GRIN2B: variants seen among roughly 807,000 people sequenced by gnomAD.
GRIN2B encodes glutamate receptor ionotropic, NMDA 2B.
A neutral mutation model predicts 114.5 loss-of-function variants in GRIN2B; 5 were observed. The ratio of observed to expected loss-of-function variants is 0.04; its 90% CI spans 0.02 to 0.09. The LOEUF (loss-of-function observed/expected upper bound fraction) is 0.09, where lower values mean the gene tolerates loss of function less well. Among genes scored for constraint, GRIN2B ranks in the 10% least tolerant of loss-of-function variants. GRIN2B has a pLI of 1.00. For synonymous variants in GRIN2B, 787 were observed against 745.1 expected, an observed-to-expected ratio of 1.06 and a Z score of -0.92; for missense variants, 1,108 against 1,943.5, an observed-to-expected ratio of 0.57 and a Z score of 8.08.
At position 13,564,543 on chromosome 12, in the gene GRIN2B, G is replaced by A. The variant is rs763003254; in HGVS notation, c.2695C>T (p.Leu899=). ...ATMNNTHSNI[L]RLLRTAKNMA... is the part of the protein sequence containing the mutation. Reference sequence around the variant, plus strand: ...TTCTTGGCCGTGCGCAGCAGGCGCAGGATGTTGGAGTGTGTGTTGTTCATG... The same window carrying A: ...TTCTTGGCCGTGCGCAGCAGGCGCAAGATGTTGGAGTGTGTGTTGTTCATG... Residue 899 remains leucine (L), a synonymous_variant, in exon 14 of 14, where the codon CTG becomes TTG. Coordinates refer to ENST00000609686, the MANE Select transcript of GRIN2B (RefSeq NM_000834.5). The surrounding 1 kb of genome is among the most constrained non-coding windows in gnomAD (Gnocchi z 4.8). 6.2e-7 allele frequency: 1 copy of A among 1,614,166 alleles called. No homozygotes were observed. The highest frequency in any genetic ancestry group is 2.2e-5 in the East Asian group (1 of 44,854).
At chr12:13,964,059 AGACAAGAGTCAGAGTCCATTAGGGTG>A (rs1867747146) in intron 2 of GRIN2B, among the ~76,000 whole-genome samples, 1 of 152,224 alleles carries the variant, frequency 6.6e-6, no homozygotes, top group South Asian at 2.1e-4. Context: ...TCAGGGCCTT[AGACAAGAGTCAGAGTCCATTAGGGTG>A]GACTGGGAGG....
At chr12:13,581,877 T>C (rs1948855242) in intron 10 of GRIN2B, among the ~76,000 whole-genome samples, 1 of 140,160 alleles carries the variant, frequency 7.1e-6, no homozygotes, top group Non-Finnish European at 1.5e-5. Flanking sequence ...GTCACTGCAC[T>C]CCACCCTGGG....
At chr12:13,724,524 G>T (rs558701373) in intron 4 of GRIN2B, among the ~76,000 whole-genome samples, 2 of 152,224 alleles carry the variant, frequency 1.3e-5, no homozygotes, top group South Asian at 4.1e-4. Context: ...GACAAATGAT[G>T]GGAAGACTTT....
intron 5 of GRIN2B, among the ~76,000 whole-genome samples, chr12:13,620,387 C>G (rs1483113193): frequency 6.6e-6 from 1 of 152,110 alleles, no homozygotes; most frequent in African/African-American, 2.4e-5. Flanking sequence ...ACTCCTTGTT[C>G]AAGGGTGTCA....
chr12:13,791,825 C>G (rs1328121090), intron 3 of GRIN2B, among the ~76,000 whole-genome samples: 1 of 152,168 alleles, frequency 6.6e-6, no homozygotes, highest in Non-Finnish European at 1.5e-5. Context: ...GAATTATTCT[C>G]TTGTAGTTAT....
At chr12:13,597,604 G>A (rs972299359) in intron 10 of GRIN2B, among the ~76,000 whole-genome samples, 2 of 152,170 alleles carry the variant, frequency 1.3e-5, no homozygotes, top group African/African-American at 2.4e-5. Flanking sequence ...ACCTCAAATG[G>A]GGTGCTTAAA....
intron 10 of GRIN2B, among the ~76,000 whole-genome samples, chr12:13,585,588 G>C (rs918911519): frequency 6.6e-6 from 1 of 152,142 alleles, no homozygotes; most frequent in Non-Finnish European, 1.5e-5. Flanking sequence ...GAGAGGACTC[G>C]AACAATCCTT....
At chr12:13,915,794 C>T (rs1866707642) in intron 2 of GRIN2B, among the ~76,000 whole-genome samples, 2 of 152,116 alleles carry the variant, frequency 1.3e-5, no homozygotes, top group African/African-American at 4.8e-5. Flanking sequence ...ACATCTGAAA[C>T]TTCCAAGCAC....
At chr12:13,970,802 G>C (rs889607216) in intron 2 of GRIN2B, among the ~76,000 whole-genome samples, 3 of 151,950 alleles carry the variant, frequency 2.0e-5, no homozygotes, top group Non-Finnish European at 4.4e-5. Context: ...CTGAGCACCT[G>C]TATTTGGCCA....
At chr12:13,705,079 TC>T (rs78416025) in intron 4 of GRIN2B, among the ~76,000 whole-genome samples, 9,906 of 131,510 alleles carry the variant, frequency 0.075, 409 homozygotes, top group East Asian at 0.18. Flanking sequence ...CTTTTTTCCT[TC>T]CCCCTGATAA....
At chr12:13,679,763 T>C (rs1262320803) in intron 4 of GRIN2B, among the ~76,000 whole-genome samples, 1 of 152,124 alleles carries the variant, frequency 6.6e-6, no homozygotes, top group Non-Finnish European at 1.5e-5. Context: ...AACCCATCCA[T>C]TCACTGGTAA....
In GRIN2B at chr12:13,576,334, C is replaced by A. The variant is rs17760567; in HGVS notation, c.2011-4370G>T. Among the ~76,000 whole-genome samples, 498 of 151,540 alleles carry A rather than the reference C, an allele frequency of 3.3e-3. 2 individuals are homozygous for A. The highest frequency in any genetic ancestry group is 3.9e-3 in the Non-Finnish European group (266 of 67,796). On this transcript the variant is annotated intron_variant, in intron 10 of 13. Coordinates refer to ENST00000609686, the MANE Select transcript of GRIN2B (RefSeq NM_000834.5). The stretch of plus-strand genomic sequence containing the variant: ...GCTGTAAGACATTATATGGCACTTG[C>A]TTAGCCTGAGTGGCAATTTGGGAAC...
intron 3 of GRIN2B, among the ~76,000 whole-genome samples, chr12:13,834,950 G>T (rs535710610): frequency 1.3e-5 from 2 of 152,314 alleles, no homozygotes; most frequent in South Asian, 4.1e-4. Flanking sequence ...ATTCCAAAGT[G>T]CAGCCAAGTT....
intron 2 of GRIN2B, among the ~76,000 whole-genome samples, chr12:13,883,893 C>T (rs1260978500): frequency 6.6e-6 from 1 of 152,028 alleles, no homozygotes; most frequent in Non-Finnish European, 1.5e-5. Flanking sequence ...CTGTTTTCCT[C>T]TAAAAGATTT....
intron 3 of GRIN2B, among the ~76,000 whole-genome samples, chr12:13,780,258 A>G (rs1164141956): frequency 6.6e-6 from 1 of 152,086 alleles, no homozygotes; most frequent in Non-Finnish European, 1.5e-5. Context: ...TACCTATTGT[A>G]TGCATCCTTA....
intron 2 of GRIN2B, among the ~76,000 whole-genome samples, chr12:13,907,769 G>T (rs1041855760): frequency 3.7e-5 from 4 of 109,118 alleles, no homozygotes; most frequent in African/African-American, 1.4e-4. Context: ...TTTGCTGTGT[G>T]TATGTTATAC....
rs1948254966 is a variant in GRIN2B, at chr12:13,539,830, C to G, written c.*22953G>C. ...CCTTATGACTTATGGGAAAAAAACC[C>G]ACCACCACCCCATAAAACAGTATTA... is the stretch of plus-strand genomic sequence containing the variant. On this transcript the variant is annotated 3_prime_UTR_variant, in exon 14 of 14. Coordinates refer to ENST00000609686, the MANE Select transcript of GRIN2B (RefSeq NM_000834.5). The G allele has an allele frequency of 6.6e-6, 1 of 152,040 alleles. No individual in the cohort carries two copies. The highest frequency in any genetic ancestry group is 6.5e-5 in the Admixed American group (1 of 15,268). The allele number at this position is 152,040 out of a possible 1,614,324, so 9.4% of individuals were successfully genotyped here. A position where few individuals can be genotyped will look rare whatever the true frequency, so the allele number is the denominator to read the frequency against.
At chr12:13,755,777 G>A (rs1863565596) in intron 3 of GRIN2B, among the ~76,000 whole-genome samples, 1 of 152,130 alleles carries the variant, frequency 6.6e-6, no homozygotes, top group South Asian at 2.1e-4. Context: ...AAATTCATAC[G>A]TTGAAATCCT....
In GRIN2B at chr12:13,790,465, A is replaced by C. The variant is rs369572779; in HGVS notation, c.412-36550T>G. Among the ~76,000 whole-genome samples the C allele has an allele frequency of 3.3e-4, 51 of 152,300 alleles. No individual in the cohort carries two copies. In the East Asian group the frequency reaches 9.4e-3, roughly 28 times the overall value. On this transcript the variant is annotated intron_variant, in intron 3 of 13. Coordinates refer to ENST00000609686, the MANE Select transcript of GRIN2B (RefSeq NM_000834.5). ...TAATTTTTAAAAACATTGTTCCCTAATCATAAATCCACCTGACCCAGATGA... is the reference window on the plus strand; with the variant it reads ...TAATTTTTAAAAACATTGTTCCCTACTCATAAATCCACCTGACCCAGATGA...
Sources: allele counts gnomAD v4.1 joint callset (sites outside exome capture counted in the v4.1 genomes callset), GRCh38; gene constraint gnomAD v4.1.1; non-coding constraint Gnocchi (gnomAD v3.1); transcripts MANE v1.5; gene names NCBI Gene and HGNC (gene_info 2026-07-23, HGNC 2026-07-21).